The following CSMD1 variants were observed in gnomAD, a reference collection of about 807,000 sequenced individuals.
CSMD1 encodes CUB and sushi domain-containing protein 1.
A neutral mutation model predicts 417.5 loss-of-function variants in CSMD1; 213 were observed. The observed-to-expected ratio is 0.51, with a 90% CI of 0.46 to 0.57. CSMD1 has a LOEUF of 0.57. Among genes scored for constraint, CSMD1 ranks in the 20% least tolerant of loss-of-function variants. CSMD1 has a pLI of 0.00. For synonymous variants in CSMD1, 2,862 were observed against 1,736.8 expected (o/e 1.65, Z -16.11); for missense variants, 6,923 against 4,529.7 (o/e 1.53, Z -15.17).
chr8:3,313,682 C>T (rs5771603), intron 23 of CSMD1, among the ~76,000 whole-genome samples: 1 of 152,118 alleles, frequency 6.6e-6, no homozygotes, highest in South Asian at 2.1e-4. Flanking sequence ...GGACTGTAAA[C>T]GAGTTCAACC....
chr8:3,777,577 G>C (rs964865714), intron 5 of CSMD1, among the ~76,000 whole-genome samples: 1 of 152,192 alleles, frequency 6.6e-6, no homozygotes, highest in African/African-American at 2.4e-5. Flanking sequence ...CAGGAGACAA[G>C]CTGCCATACG....
intron 5 of CSMD1, among the ~76,000 whole-genome samples, chr8:3,872,720 TA>T: frequency 6.6e-6 from 1 of 152,060 alleles, no homozygotes; most frequent in East Asian, 1.9e-4. Context: ...TTCTCACTAT[TA>T]ACAGAGTGAA....
intron 1 of CSMD1, among the ~76,000 whole-genome samples, chr8:4,820,748 T>C (rs944597278): frequency 6.6e-6 from 1 of 152,152 alleles, no homozygotes; most frequent in Non-Finnish European, 1.5e-5. Flanking sequence ...CATTCAGGCA[T>C]AAAGACATTT....
At chr8:4,191,985 T>A (rs543725360) in intron 3 of CSMD1, among the ~76,000 whole-genome samples, 34 of 152,296 alleles carry the variant, frequency 2.2e-4, no homozygotes, top group South Asian at 4.1e-4. Flanking sequence ...AACACGTCCC[T>A]AAGGATTTCA....
In CSMD1 at chr8:3,835,796, G is replaced by C. The variant is rs1452566026; in HGVS notation, c.819-81754C>G. Among the ~76,000 whole-genome samples the C allele has an allele frequency of 2.6e-5, 4 of 151,624 alleles. No individual in the cohort carries two copies. The East Asian group carries it at 5.8e-4, about 22-fold the overall frequency. ...TGGCTAACTCTGGGTGATTGTGTGA[G>C]TTCCTAAGAGTAATTTTTCAGTCTA... On this transcript the variant is annotated intron_variant, in intron 5 of 69. Coordinates refer to ENST00000635120, the MANE Select transcript of CSMD1 (RefSeq NM_033225.6).
chr8:3,271,853 G>C lies in CSMD1; in HGVS notation c.4153+12291C>G, dbSNP rs561773033. Among the ~76,000 whole-genome samples the C allele has an allele frequency of 1.1e-4, 17 of 152,174 alleles. 1 individual carries two copies. The East Asian group carries it at 2.5e-3, about 23-fold the overall frequency. On this transcript the variant is annotated intron_variant, in intron 26 of 69. Transcript: ENST00000635120. ...TAGCCCTTTGTCAGATGAGTAGGTT[G>C]TGAAAATTTTCTCCCATTTTGTAGG...
chr8:4,718,745 C>A (rs1189410920), intron 1 of CSMD1, among the ~76,000 whole-genome samples: 1 of 151,550 alleles, frequency 6.6e-6, no homozygotes, highest in Non-Finnish European at 1.5e-5. Context: ...AAAAAACAAC[C>A]AATTTTATAA....
chr8:3,093,714 G>C (rs1815108284), intron 47 of CSMD1, among the ~76,000 whole-genome samples: 2 of 151,912 alleles, frequency 1.3e-5, no homozygotes, highest in African/African-American at 4.8e-5. Flanking sequence ...ATGGCACTTT[G>C]TCATGGCAGT....
intron 10 of CSMD1, among the ~76,000 whole-genome samples, chr8:3,555,044 C>T (rs534552700): frequency 6.6e-5 from 10 of 151,998 alleles, no homozygotes; most frequent in South Asian, 4.1e-4. Context: ...AGGAGTCCTC[C>T]GCCAGGGAAG....
intron 2 of CSMD1, among the ~76,000 whole-genome samples, chr8:4,488,540 T>C (rs534795335): frequency 6.6e-6 from 1 of 152,116 alleles, no homozygotes; most frequent in Non-Finnish European, 1.5e-5. Flanking sequence ...GTTTTTAAAC[T>C]GGTGGAGTCG....
intron 3 of CSMD1, among the ~76,000 whole-genome samples, chr8:4,132,917 T>C (rs1803197474): frequency 6.6e-6 from 1 of 152,148 alleles, no homozygotes; most frequent in Non-Finnish European, 1.5e-5. Context: ...TCCTGAAGAC[T>C]ATGGTAAAAG....
chr8:4,037,559 C>G (rs1056224451), intron 3 of CSMD1, among the ~76,000 whole-genome samples: 1 of 152,108 alleles, frequency 6.6e-6, no homozygotes, highest in African/African-American at 2.4e-5. Context: ...ATAGCCTTTG[C>G]AAGGTGCCGT....
intron 3 of CSMD1, among the ~76,000 whole-genome samples, chr8:4,244,760 A>G (rs925812099): frequency 6.6e-6 from 1 of 152,180 alleles, no homozygotes; most frequent in Non-Finnish European, 1.5e-5. Context: ...GAGTTTTGCT[A>G]CTTAAAGAAA....
At chr8:3,790,856 G>A (rs939646665) in intron 5 of CSMD1, among the ~76,000 whole-genome samples, 8 of 152,100 alleles carry the variant, frequency 5.3e-5, no homozygotes, top group Non-Finnish European at 1.0e-4. Context: ...CCCTCTCCCA[G>A]GCAGCTACTT....
intron 3 of CSMD1, among the ~76,000 whole-genome samples, chr8:4,339,165 C>A (rs528000640): frequency 5.9e-5 from 9 of 152,180 alleles, no homozygotes; most frequent in East Asian, 3.9e-4. Flanking sequence ...AAAATAAATT[C>A]TTGAGCCAGG....
chr8:3,876,975 A>G (rs568532937), intron 5 of CSMD1, among the ~76,000 whole-genome samples: 2 of 152,348 alleles, frequency 1.3e-5, no homozygotes, highest in African/African-American at 2.4e-5. Context: ...TTCATAAGTC[A>G]TAACACAGAT....
chr8:3,171,525 A>G (rs1415278509), intron 37 of CSMD1, among the ~76,000 whole-genome samples: 1 of 152,184 alleles, frequency 6.6e-6, no homozygotes, highest in Non-Finnish European at 1.5e-5. Flanking sequence ...CAGAGCCACT[A>G]GTCATTACTT....
At chr8:3,913,175 A>T (rs1584954145) in intron 5 of CSMD1, among the ~76,000 whole-genome samples, 1 of 152,092 alleles carries the variant, frequency 6.6e-6, no homozygotes, top group African/African-American at 2.4e-5. Flanking sequence ...GGAGATGTTG[A>T]GTTGAGAACC....
chr8:4,556,345 G>T (rs745616881), intron 2 of CSMD1, among the ~76,000 whole-genome samples: 11 of 152,048 alleles, frequency 7.2e-5, no homozygotes, highest in Non-Finnish European at 1.3e-4. Context: ...TAATGTTTAA[G>T]GTTATGAAGA....
Sources: gnomAD v4.1 joint callset for allele counts (sites outside exome capture counted in the v4.1 genomes callset) on GRCh38, gnomAD v4.1.1 for gene constraint, MANE v1.5 for transcripts, NCBI Gene and HGNC (gene_info 2026-07-23, HGNC 2026-07-21) for gene names.